Variants in NPR3 observed in about 807,000 individuals in gnomAD.
The protein encoded by NPR3 is natriuretic peptide receptor 3, also known as atrial natriuretic peptide receptor 3.
Under a neutral mutation model 54.5 loss-of-function variants are expected in NPR3, and 34 were observed. The ratio of observed to expected loss-of-function variants is 0.62; its 90% CI spans 0.47 to 0.83. The LOEUF (loss-of-function observed/expected upper bound fraction) is 0.83. Ranked by LOEUF, NPR3 falls within the 40% of genes least tolerant of loss-of-function variation. The pLI is 0.00. For synonymous variants in NPR3, 289 were observed against 297.1 expected (o/e 0.97, Z 0.28); for missense variants, 674 against 720.8 (o/e 0.94, Z 0.74).
intron 2 of NPR3, among the ~76,000 whole-genome samples, chr5:32,725,453 T>C (rs997862079): frequency 1.3e-5 from 2 of 152,218 alleles, no homozygotes; most frequent in Admixed American, 1.3e-4. Flanking sequence ...GTACCTATGA[T>C]GTCAAGACAC....
chr5:32,770,479 G>A (rs1741699200), intron 3 of NPR3, among the ~76,000 whole-genome samples: 1 of 151,960 alleles, frequency 6.6e-6, no homozygotes, highest in African/African-American at 2.4e-5. Flanking sequence ...AGAAATGAAA[G>A]GAACGAGAGT....
chr5:32,702,756 T>C lies in NPR3; in HGVS notation c.100+13570T>C, dbSNP rs565011769. ...TGTGTCTTTACAGCAGCATGATTTGTAGTCTTTTGGGTATATACCCAGTAA... is the reference window on the plus strand; with the variant it reads ...TGTGTCTTTACAGCAGCATGATTTGCAGTCTTTTGGGTATATACCCAGTAA... On this transcript the variant is annotated intron_variant, in intron 1 of 5. Coordinates refer to the NPR3 transcript ENST00000509104. Among the ~76,000 whole-genome samples, 96 of 152,270 alleles carry C rather than the reference T, an allele frequency of 6.3e-4. No homozygotes were observed. In the South Asian group the frequency reaches 0.011, roughly 17 times the overall value.
Position 32,738,980 on chromosome 5 carries a change from A to G in NPR3, c.1009A>G (p.Met337Val). The G allele has an allele frequency of 3.1e-6, 5 of 1,613,998 alleles. No homozygotes were observed. Among genetic ancestry groups the G allele is most frequent in the Non-Finnish European group, 4.2e-6 (5 of 1,179,880 alleles). ...GAAACCTGAGTTTGAGAAGTTTTCC[A>G]TGGAGGTGAAAAGTTCAGTTGAGAA... ...TVKPEFEKFS[M>V]EVKSSVEKQG... Residue 337 changes from methionine (M) to valine (V), a missense_variant, in exon 3 of 8, where the codon ATG becomes GTG. Transcript: ENST00000265074.
chr5:32,698,057 G>T (rs554733564), intron 1 of NPR3, among the ~76,000 whole-genome samples: 1 of 151,394 alleles, frequency 6.6e-6, no homozygotes, highest in African/African-American at 2.4e-5. Flanking sequence ...TCCTTTTCTA[G>T]TTCTTTAAGA....
rs1261042270 is a variant in NPR3, at chr5:32,790,962, A to C, written c.*4617A>C. Reference sequence around the variant, plus strand: ...TGTTTAAAGACCTAAATTTCTATGCACAAGGAATAAAGGGCCTACTTACCA... The same window carrying C: ...TGTTTAAAGACCTAAATTTCTATGCCCAAGGAATAAAGGGCCTACTTACCA... On this transcript the variant is annotated 3_prime_UTR_variant, in exon 8 of 8. Coordinates refer to ENST00000265074, the MANE Select transcript of NPR3 (RefSeq NM_001204375.2). The C allele has an allele frequency of 1.8e-5, 3 of 167,252 alleles. No individual in the cohort carries two copies. Among genetic ancestry groups the C allele is most frequent in the African/African-American group, 7.2e-5 (3 of 41,598 alleles). 10.4% of individuals were successfully genotyped at this position (167,252 alleles called of 1,614,324 possible). A position where few individuals can be genotyped will look rare whatever the true frequency, so the allele number is the denominator to read the frequency against.
chr5:32,700,135 C>A (rs193101537), intron 1 of NPR3, among the ~76,000 whole-genome samples: 23 of 152,210 alleles, frequency 1.5e-4, no homozygotes, highest in Non-Finnish European at 7.4e-5. Context: ...TTTCTTTAAC[C>A]TTGACCATTG....
chr5:32,741,611 C>A lies in NPR3; in HGVS notation c.1059+2581C>A, dbSNP rs182639349. Among the ~76,000 whole-genome samples the A allele has an allele frequency of 5.5e-4, 83 of 152,274 alleles. 1 individual carries two copies. The highest frequency in any genetic ancestry group is 4.8e-3 in the South Asian group (23 of 4,824). ...AGAGATTATTTGCAGCCCTAGATTA[C>A]CATACTGCTTCCCTCTGATGGTGGG... On this transcript the variant is annotated intron_variant, in intron 3 of 7. Transcript: ENST00000265074.
chr5:32,738,811 G>T (rs1739886078), intron 2 of NPR3, 53 bp from the exon 3 acceptor site: 1 of 1,526,738 alleles, frequency 6.5e-7, no homozygotes, highest in Non-Finnish European at 9.0e-7. Flanking sequence ...AGGGAGAATG[G>T]CCTCTTTATG....
At chr5:32,715,582 C>T (rs551639699) in intron 1 of NPR3, among the ~76,000 whole-genome samples, 35 of 152,192 alleles carry the variant, frequency 2.3e-4, no homozygotes, top group Admixed American at 2.1e-3. Flanking sequence ...CTAAAATAAA[C>T]AGACCTGAGC....
At chr5:32,749,756 C>G (rs931845036) in intron 3 of NPR3, among the ~76,000 whole-genome samples, 4 of 152,204 alleles carry the variant, frequency 2.6e-5, no homozygotes, top group Admixed American at 2.6e-4. Context: ...TTCACCCAAT[C>G]TTCAGCTATG....
At chr5:32,735,415 T>A (rs982716231) in intron 2 of NPR3, among the ~76,000 whole-genome samples, 2 of 148,806 alleles carry the variant, frequency 1.3e-5, no homozygotes, top group African/African-American at 5.2e-5. Flanking sequence ...AAGGGCTCTA[T>A]CTCTTTTTTT....
chr5:32,736,738 G>A (rs1451356667), intron 2 of NPR3, among the ~76,000 whole-genome samples: 1 of 152,128 alleles, frequency 6.6e-6, no homozygotes, highest in Non-Finnish European at 1.5e-5. Flanking sequence ...GCCCGAGCAG[G>A]GGTATGGCTC....
intron 3 of NPR3, among the ~76,000 whole-genome samples, chr5:32,772,616 T>C (rs1741829343): frequency 6.6e-6 from 1 of 152,234 alleles, no homozygotes; most frequent in African/African-American, 2.4e-5. Flanking sequence ...ACATACATGA[T>C]ACCTGTAAGA....
intron 2 of NPR3, among the ~76,000 whole-genome samples, chr5:32,731,327 T>A (rs1167613346): frequency 6.6e-6 from 1 of 152,206 alleles, no homozygotes; most frequent in Non-Finnish European, 1.5e-5. Flanking sequence ...TTGCTCAGAC[T>A]TTGTGCTTTG....
At chr5:32,773,796 A>G (rs1288302304) in intron 3 of NPR3, among the ~76,000 whole-genome samples, 2 of 152,238 alleles carry the variant, frequency 1.3e-5, no homozygotes, top group Non-Finnish European at 2.9e-5. Flanking sequence ...CTATTTGTTG[A>G]GAAATTGATA....
chr5:32,740,455 T>G (rs1294207568), intron 3 of NPR3, among the ~76,000 whole-genome samples: 2 of 152,232 alleles, frequency 1.3e-5, no homozygotes, highest in African/African-American at 4.8e-5. Context: ...AACATTTTAT[T>G]AATGTTTTAA....
rs1005857452 is a variant in NPR3 at position 32,695,534 on chromosome 5, C to T, written c.100+6348C>T. 5.3e-5 allele frequency among the ~76,000 whole-genome samples: 8 copies of T among 152,228 alleles called. 1 individual carries two copies. The highest frequency in any genetic ancestry group is 5.2e-4 in the Admixed American group (8 of 15,286). ...CTGTCCGCCTTGGCCTCCCAAAATG[C>T]TGGGATTACAGGCGTAAGCCACCAC... On this transcript the variant is annotated intron_variant, in intron 1 of 5. Transcript: ENST00000509104.
At chr5:32,727,289 G>T (rs1739186985) in intron 2 of NPR3, among the ~76,000 whole-genome samples, 1 of 151,952 alleles carries the variant, frequency 6.6e-6, no homozygotes, top group Non-Finnish European at 1.5e-5. Context: ...ACCATGCCTG[G>T]TTACTTTCTC....
At chr5:32,729,930 C>T (rs1051066678) in intron 2 of NPR3, among the ~76,000 whole-genome samples, 1 of 152,102 alleles carries the variant, frequency 6.6e-6, no homozygotes, top group Non-Finnish European at 1.5e-5. Flanking sequence ...ACTAACTAAA[C>T]TACAGGCCTA....
Sources: gnomAD v4.1 joint callset for allele counts (sites outside exome capture counted in the v4.1 genomes callset) on GRCh38, gnomAD v4.1.1 for gene constraint, MANE v1.5 for transcripts, NCBI Gene and HGNC (gene_info 2026-07-23, HGNC 2026-07-21) for gene names.